The following AMD1 variants were observed in gnomAD, a reference collection of about 807,000 sequenced individuals.
AMD1 encodes the protein adenosylmethionine decarboxylase 1.
Under a neutral mutation model 40.2 loss-of-function variants are expected in AMD1, and 11 were observed. The ratio of observed to expected loss-of-function variants is 0.27; its 90% confidence interval spans 0.17 to 0.45. AMD1 has a LOEUF of 0.45. Ranked by LOEUF, AMD1 falls within the 20% of genes least tolerant of loss-of-function variation. AMD1 has a pLI of 1.00. For synonymous variants in AMD1, 121 were observed against 130.8 expected (o/e 0.93, Z 0.51); for missense variants, 257 against 410.2 (o/e 0.63, Z 3.23).
At chr6:110,871,046 T>C (rs549815399), upstream of AMD1, among the ~76,000 whole-genome samples, 1 of 152,166 alleles carries the variant, frequency 6.6e-6, no homozygotes, top group African/African-American at 2.4e-5. Flanking sequence ...TTCAGATAAA[T>C]GAAAATGACC....
chr6:110,849,605 T>G, the AMD1 span, among the ~76,000 whole-genome samples: 1 of 152,206 alleles, frequency 6.6e-6, no homozygotes, highest in Non-Finnish European at 1.5e-5. Context: ...TTTAGCCTAA[T>G]GTTACATTTA....
the AMD1 span, chr6:110,815,870 A>G: frequency 1.3e-5 from 2 of 152,242 alleles, no homozygotes; most frequent in Admixed American, 1.3e-4. Context: ...GTTGTACCGC[A>G]GCTTGTTTCT....
In AMD1 at chr6:110,893,074, A is replaced by C; in HGVS notation, c.864+9A>C. On this transcript the variant is annotated intron_variant, in intron 8 of 8. Coordinates refer to ENST00000368885, the MANE Select transcript of AMD1 (RefSeq NM_001634.6). ...CCTTGTTTGTTAATCAGGTAATTTT[A>C]TATTTTATTATTAATCAGGTTATTT... 1 of 1,582,246 alleles carries C rather than the reference A, an allele frequency of 6.3e-7. No homozygotes were observed. Among genetic ancestry groups the C allele is most frequent in the East Asian group, 2.2e-5 (1 of 44,598 alleles).
the AMD1 span, among the ~76,000 whole-genome samples, chr6:110,854,199 G>A: frequency 2.6e-5 from 4 of 152,100 alleles, no homozygotes; most frequent in Non-Finnish European, 5.9e-5. Context: ...ACACAAACAC[G>A]TTTAACTAGA....
At chr6:110,872,025 T>C (rs1009615463), upstream of AMD1, among the ~76,000 whole-genome samples, 6 of 152,134 alleles carry the variant, frequency 3.9e-5, no homozygotes, top group Admixed American at 2.0e-4. Context: ...AAGGAAGGCA[T>C]AGTTAATTGT....
the AMD1 span, among the ~76,000 whole-genome samples, chr6:110,831,000 T>C: frequency 1.3e-5 from 2 of 152,158 alleles, no homozygotes; most frequent in Non-Finnish European, 2.9e-5. Context: ...GACTTAATGT[T>C]TCACAAGCAT....
At chr6:110,879,384 A>G (rs1785285408) in intron 1 of AMD1, among the ~76,000 whole-genome samples, 1 of 152,220 alleles carries the variant, frequency 6.6e-6, no homozygotes, top group African/African-American at 2.4e-5. Context: ...GTTGTTTACA[A>G]ACCATGTATC....
the AMD1 span, among the ~76,000 whole-genome samples, chr6:110,843,660 C>T: frequency 6.6e-6 from 1 of 152,046 alleles, no homozygotes; most frequent in Non-Finnish European, 1.5e-5. Context: ...CATCTTGGCT[C>T]ACTGTAGCCT....
chr6:110,874,473 A>G (rs1286699365), upstream of AMD1, among the ~76,000 whole-genome samples: 1 of 151,142 alleles, frequency 6.6e-6, no homozygotes, highest in Non-Finnish European at 1.5e-5. Context: ...TTTTTTCTAA[A>G]CAGCTCTGCA....
the AMD1 span, among the ~76,000 whole-genome samples, chr6:110,844,465 G>A: frequency 3.3e-5 from 5 of 151,412 alleles, no homozygotes; most frequent in Non-Finnish European, 7.4e-5. Context: ...GCCAAGTTTA[G>A]TATTTTTATG....
the AMD1 span, among the ~76,000 whole-genome samples, chr6:110,863,544 A>G: frequency 6.6e-6 from 1 of 150,900 alleles, no homozygotes. Context: ...TAATTTTTGT[A>G]TTTTTAGTAG....
intron 1 of AMD1, among the ~76,000 whole-genome samples, chr6:110,877,821 A>G (rs1291454782): frequency 2.6e-5 from 4 of 152,240 alleles, no homozygotes; most frequent in Non-Finnish European, 4.4e-5. Flanking sequence ...TAAGATGTGA[A>G]TAAACTAAAA....
At chr6:110,878,002 C>T (rs1785204577) in intron 1 of AMD1, among the ~76,000 whole-genome samples, 1 of 152,066 alleles carries the variant, frequency 6.6e-6, no homozygotes, top group African/African-American at 2.4e-5. Flanking sequence ...AGAAAAAAAT[C>T]CTGGAAAAAT....
the AMD1 span, among the ~76,000 whole-genome samples, chr6:110,831,535 T>C: frequency 6.6e-6 from 1 of 152,064 alleles, no homozygotes; most frequent in Non-Finnish European, 1.5e-5. Context: ...GCTCAAGCAA[T>C]CCTCCCACTT....
At chr6:110,855,487 A>G in the AMD1 span, among the ~76,000 whole-genome samples, 1 of 152,298 alleles carries the variant, frequency 6.6e-6, no homozygotes, top group Non-Finnish European at 1.5e-5. Flanking sequence ...CACTTGGCTG[A>G]CCATCTGGTG....
At chr6:110,829,485 C>G in the AMD1 span, among the ~76,000 whole-genome samples, 2 of 151,552 alleles carry the variant, frequency 1.3e-5, no homozygotes, top group African/African-American at 4.9e-5. Flanking sequence ...CGAGACCATC[C>G]TGGCTAACAC....
At chr6:110,841,830 A>G in the AMD1 span, among the ~76,000 whole-genome samples, 2 of 151,374 alleles carry the variant, frequency 1.3e-5, no homozygotes, top group African/African-American at 4.9e-5. Context: ...TTAGATGGAG[A>G]CTCACTCTGT....
In AMD1 at chr6:110,892,185, G is replaced by A. The variant is rs1463233722; in HGVS notation, c.452G>A (p.Arg151His). 13 of 1,613,826 alleles carry A rather than the reference G, an allele frequency of 8.1e-6. No homozygotes were observed. The highest frequency in any genetic ancestry group is 2.2e-5 in the East Asian group (1 of 44,894). ...GATGGAGCAGCATATTGTATGGGACGTATGAATTCTGACTGTTGGTATGTT... is the reference window on the plus strand; with the variant it reads ...GATGGAGCAGCATATTGTATGGGACATATGAATTCTGACTGTTGGTATGTT... Reference protein sequence around the residue: ...FPNGAAYCMGRMNSDCWYLYT... With the variant: ...FPNGAAYCMGHMNSDCWYLYT... The change falls in exon 5 of 9, where the codon CGT (arginine) becomes CAT (histidine). Residue 151 changes from arginine to histidine, a missense_variant. Transcript: ENST00000368885.
At chr6:110,817,122 G>A in the AMD1 span, among the ~76,000 whole-genome samples, 1 of 152,158 alleles carries the variant, frequency 6.6e-6, no homozygotes, top group Non-Finnish European at 1.5e-5. Flanking sequence ...AAACATGATT[G>A]GTGCTAGGAT....
Sources: allele counts gnomAD v4.1 joint callset (sites outside exome capture counted in the v4.1 genomes callset), GRCh38; gene constraint gnomAD v4.1.1; transcripts MANE v1.5; gene names NCBI Gene and HGNC (gene_info 2026-07-23, HGNC 2026-07-21).